NAV3: variants seen among roughly 807,000 people sequenced by gnomAD.
NAV3 encodes the protein pore membrane and/or filament interacting like protein 1.
NAV3 carries 87 observed loss-of-function variants against 244.7 expected under a neutral mutation model. The observed-to-expected ratio is 0.36, with a 90% CI of 0.30 to 0.42. The LOEUF is 0.42. Among genes scored for constraint, NAV3 ranks in the 20% least tolerant of loss-of-function variants. NAV3 has a pLI of 1.00. For missense variants in NAV3, 2,663 were observed against 2,893.3 expected (o/e 0.92, Z 1.83); for synonymous variants, 1,126 against 1,042.2 (o/e 1.08, Z -1.55).
At chr12:77,613,329 G>A (rs139825914) in intron 2 of NAV3, among the ~76,000 whole-genome samples, 84 of 152,198 alleles carry the variant, frequency 5.5e-4, no homozygotes, top group African/African-American at 1.8e-3. Context: ...CTTGACCAGC[G>A]TTGCTGGTGT....
intron 1 of NAV3, among the ~76,000 whole-genome samples, chr12:77,938,133 C>T (rs1382640): frequency 0.35 from 53,528 of 151,860 alleles, 9,935 homozygotes; most frequent in African/African-American, 0.47. Context: ...ATGGACAGAT[C>T]GGCACAACTC....
At chr12:77,677,709 C>T (rs547430362) in intron 2 of NAV3, among the ~76,000 whole-genome samples, 64 of 152,186 alleles carry the variant, frequency 4.2e-4, no homozygotes, top group Non-Finnish European at 7.6e-4. Flanking sequence ...AATTAGCAAG[C>T]GTGCAGTGAA....
intron 8 of NAV3, among the ~76,000 whole-genome samples, chr12:78,011,174 GC>G (rs1566017133): frequency 6.6e-6 from 1 of 152,126 alleles, no homozygotes; most frequent in South Asian, 2.1e-4. Context: ...GGAATAGGCT[GC>G]TTTTTATAGT....
intron 2 of NAV3, among the ~76,000 whole-genome samples, chr12:77,661,215 G>A (rs541124384): frequency 6.6e-6 from 1 of 152,234 alleles, no homozygotes; most frequent in African/African-American, 2.4e-5. Flanking sequence ...ATGTCTGAGA[G>A]TTCTAATTTT....
intron 7 of NAV3, among the ~76,000 whole-genome samples, chr12:78,002,101 G>T (rs575105998): frequency 1.3e-5 from 2 of 152,030 alleles, no homozygotes; most frequent in South Asian, 2.1e-4. Context: ...GTTACCTTAA[G>T]AAATCATTCT....
At chr12:77,784,118 T>C (rs1428522677) in intron 2 of NAV3, among the ~76,000 whole-genome samples, 1 of 152,096 alleles carries the variant, frequency 6.6e-6, no homozygotes, top group Non-Finnish European at 1.5e-5. Context: ...CAAATAAGAC[T>C]ATGTACCCAA....
At chr12:77,857,450 A>C (rs1018587541) in intron 1 of NAV3, among the ~76,000 whole-genome samples, 2 of 152,008 alleles carry the variant, frequency 1.3e-5, no homozygotes, top group Non-Finnish European at 2.9e-5. Flanking sequence ...AAATTATTAA[A>C]AAAATCTCAT....
chr12:77,866,061 A>G (rs7314772), intron 1 of NAV3, among the ~76,000 whole-genome samples: 35,319 of 152,032 alleles, frequency 0.23, 5,876 homozygotes, highest in African/African-American at 0.47. Flanking sequence ...ATACTTTGCA[A>G]AGAGTAATTA....
intron 8 of NAV3, among the ~76,000 whole-genome samples, chr12:78,021,126 T>G (rs1256625798): frequency 1.3e-5 from 2 of 152,110 alleles, no homozygotes; most frequent in Admixed American, 6.6e-5. Context: ...TTCTTTTAAT[T>G]AGACACACTC....
chr12:77,794,538 A>C (rs1871321839), intron 2 of NAV3, among the ~76,000 whole-genome samples: 1 of 152,188 alleles, frequency 6.6e-6, no homozygotes, highest in Non-Finnish European at 1.5e-5. Context: ...TCAAAGCACA[A>C]TGCGGCAGAG....
At chr12:78,145,156 T>A (rs1285290439) in intron 20 of NAV3, 10 of 196,860 alleles carry the variant, frequency 5.1e-5, no homozygotes, top group African/African-American at 7.1e-5. Flanking sequence ...TCCTTAAAAA[T>A]CTAAAATTGA....
At chr12:77,904,025 G>A (rs1885647014) in intron 1 of NAV3, among the ~76,000 whole-genome samples, 1 of 152,078 alleles carries the variant, frequency 6.6e-6, no homozygotes. Flanking sequence ...GGAGAAATAG[G>A]AACACTTTTA....
At chr12:77,641,631 T>C (rs931154365) in intron 2 of NAV3, among the ~76,000 whole-genome samples, 2 of 152,128 alleles carry the variant, frequency 1.3e-5, no homozygotes, top group East Asian at 3.8e-4. Context: ...TGTAACAAAG[T>C]GGCTTCTTTT....
intron 18 of NAV3, among the ~76,000 whole-genome samples, chr12:78,133,827 C>A (rs1451447814): frequency 6.6e-6 from 1 of 152,022 alleles, no homozygotes; most frequent in Non-Finnish European, 1.5e-5. Flanking sequence ...CAATCTCTAC[C>A]CTTCAATTTT....
chr12:77,952,994 G>A (rs998941083), intron 3 of NAV3, among the ~76,000 whole-genome samples: 1 of 151,588 alleles, frequency 6.6e-6, no homozygotes, highest in Non-Finnish European at 1.5e-5. Context: ...TTGTTTTCTG[G>A]AACAAACTTA....
chr12:78,150,164 T>G (rs1160823141), intron 22 of NAV3, among the ~76,000 whole-genome samples: 1 of 151,986 alleles, frequency 6.6e-6, no homozygotes, highest in Non-Finnish European at 1.5e-5. Context: ...AAGTATGAAA[T>G]ATTGTTGTCT....
chr12:77,932,156 T>C (rs745788412), intron 1 of NAV3, among the ~76,000 whole-genome samples: 1 of 152,158 alleles, frequency 6.6e-6, no homozygotes, highest in East Asian at 1.9e-4. Flanking sequence ...AATCAGTTGC[T>C]GGGGTCTCAA....
At chr12:77,653,082 G>A (rs1403665717) in intron 2 of NAV3, among the ~76,000 whole-genome samples, 1 of 152,190 alleles carries the variant, frequency 6.6e-6, no homozygotes, top group East Asian at 1.9e-4. Flanking sequence ...TGTAAAACGG[G>A]TCAGAGCCTT....
intron 28 of NAV3, among the ~76,000 whole-genome samples, chr12:78,178,405 C>T (rs963536731): frequency 5.9e-5 from 9 of 152,092 alleles, no homozygotes; most frequent in African/African-American, 1.7e-4. Context: ...AAGTGATTCA[C>T]CCACCTCGGC....
Sources: gnomAD v4.1 joint callset for allele counts (sites outside exome capture counted in the v4.1 genomes callset) on GRCh38, gnomAD v4.1.1 for gene constraint, MANE v1.5 for transcripts, NCBI Gene and HGNC (gene_info 2026-07-23, HGNC 2026-07-21) for gene names.